The following PARD3B variants were observed in gnomAD, a reference collection of about 807,000 sequenced individuals.
PARD3B encodes the protein par-3 family cell polarity regulator beta.
In PARD3B, 103 loss-of-function variants were observed where a neutral mutation model predicts 130.2. The observed-to-expected ratio is 0.79, with a 90% CI of 0.67 to 0.93. The LOEUF (loss-of-function observed/expected upper bound fraction) is 0.93, where lower values mean the gene tolerates loss of function less well. Among genes scored for constraint, PARD3B ranks in the 40% least tolerant of loss-of-function variants. The probability of loss-of-function intolerance (pLI) is 0.00; values close to 1 mark genes in which losing one functional copy is unlikely to be tolerated. For synonymous variants in PARD3B, 583 were observed against 553.2 expected, an observed-to-expected ratio of 1.05 and a Z score of -0.76; for missense variants, 1,609 against 1,499.2, an observed-to-expected ratio of 1.07 and a Z score of -1.21.
chr2:204,796,608 G>A (rs746074399), intron 2 of PARD3B, among the ~76,000 whole-genome samples: 25 of 152,146 alleles, frequency 1.6e-4, no homozygotes, highest in Non-Finnish European at 3.5e-4. Flanking sequence ...CCAAAATTCA[G>A]ACATGCAGAA....
At chr2:205,607,831 T>TACACCCATACACACAC (rs1553560828) in intron 22 of PARD3B, among the ~76,000 whole-genome samples, 94 of 116,228 alleles carry the variant, frequency 8.1e-4, no homozygotes, top group Middle Eastern at 4.3e-3. Flanking sequence ...CCAACACCCA[T>TACACCCATACACACAC]ACACACACAC....
intron 3 of PARD3B, among the ~76,000 whole-genome samples, chr2:204,985,810 A>T (rs1693083352): frequency 6.6e-6 from 1 of 152,070 alleles, no homozygotes; most frequent in Non-Finnish European, 1.5e-5. Flanking sequence ...ATTGTATTGA[A>T]AAAGGCTTAG....
At chr2:205,223,127 G>A (rs994480779) in intron 15 of PARD3B, among the ~76,000 whole-genome samples, 3 of 151,996 alleles carry the variant, frequency 2.0e-5, no homozygotes, top group African/African-American at 7.2e-5. Context: ...TGAGATCAGC[G>A]GCATTTTCAA....
chr2:205,186,235 A>G (rs1156267899), intron 14 of PARD3B, among the ~76,000 whole-genome samples: 2 of 152,152 alleles, frequency 1.3e-5, no homozygotes, highest in African/African-American at 2.4e-5. Context: ...TAATTGGCAA[A>G]CCCTAGAGGT....
At chr2:205,581,151 C>T (rs2106568660) in intron 22 of PARD3B, among the ~76,000 whole-genome samples, 1 of 151,324 alleles carries the variant, frequency 6.6e-6, no homozygotes, top group Non-Finnish European at 1.5e-5. Context: ...TATTCCAGCA[C>T]TGTTCACAAT....
chr2:204,994,544 A>G (rs1285218708), intron 3 of PARD3B, among the ~76,000 whole-genome samples: 1 of 144,050 alleles, frequency 6.9e-6, no homozygotes, highest in Non-Finnish European at 1.5e-5. Flanking sequence ...TGCTGAAAAA[A>G]ATGTATATTC....
intron 3 of PARD3B, among the ~76,000 whole-genome samples, chr2:205,005,275 G>C (rs1335457817): frequency 6.6e-6 from 1 of 152,148 alleles, no homozygotes; most frequent in African/African-American, 2.4e-5. Flanking sequence ...GTGAAGTATG[G>C]ATTTAATCCA....
At chr2:205,114,914 C>T (rs1411185895) in intron 6 of PARD3B, among the ~76,000 whole-genome samples, 1 of 151,964 alleles carries the variant, frequency 6.6e-6, no homozygotes, top group Admixed American at 6.6e-5. Context: ...ATAGGACAAA[C>T]TGAGGTTGTT....
chr2:205,103,278 C>T (rs1416680067), intron 4 of PARD3B, among the ~76,000 whole-genome samples: 6 of 142,716 alleles, frequency 4.2e-5, no homozygotes, highest in African/African-American at 1.6e-4. Flanking sequence ...GTAAAATAAA[C>T]ATATTTTATA....
At chr2:205,081,414 T>G (rs1233898025) in intron 4 of PARD3B, among the ~76,000 whole-genome samples, 1 of 152,072 alleles carries the variant, frequency 6.6e-6, no homozygotes, top group Non-Finnish European at 1.5e-5. Context: ...GTCTATGCCA[T>G]TGTCCTTTTT....
intron 2 of PARD3B, among the ~76,000 whole-genome samples, chr2:204,883,561 C>T (rs1189179138): frequency 6.7e-6 from 1 of 148,540 alleles, no homozygotes; most frequent in Non-Finnish European, 1.5e-5. Context: ...AATTCTCCTG[C>T]CTCAGCCTCA....
At chr2:204,617,922 C>T (rs186683684) in intron 1 of PARD3B, among the ~76,000 whole-genome samples, 53 of 152,330 alleles carry the variant, frequency 3.5e-4, no homozygotes, top group African/African-American at 1.1e-3. Flanking sequence ...ATATGTACCA[C>T]ATTTCCTTTA....
intron 19 of PARD3B, among the ~76,000 whole-genome samples, chr2:205,430,139 T>C (rs849245): frequency 0.97 from 147,813 of 152,298 alleles, 71,870 homozygotes; most frequent in East Asian, 1. Context: ...TCCAGATGGA[T>C]ATACAATTTC....
chr2:204,826,878 G>C (rs1024883389), intron 2 of PARD3B, among the ~76,000 whole-genome samples: 1 of 152,072 alleles, frequency 6.6e-6, no homozygotes, highest in African/African-American at 2.4e-5. Context: ...ATATTAGCCA[G>C]TCATGGTGGT....
At position 205,470,836 on chromosome 2, in the gene PARD3B, C is replaced by A. The variant is rs2048800187; in HGVS notation, c.3045-29060C>A. Among the ~76,000 whole-genome samples the A allele has an allele frequency of 6.6e-6, 1 of 152,170 alleles. No individual in the cohort carries two copies. The highest frequency in any genetic ancestry group is 6.5e-5 in the Admixed American group (1 of 15,276). On this transcript the variant is annotated intron_variant, in intron 20 of 22. Coordinates refer to ENST00000406610, the MANE Select transcript of PARD3B (RefSeq NM_001302769.2). This position sits in a 1 kb window ranked among gnomAD's most constrained non-coding sequence, Gnocchi z 4.8. ...AGTTTACAATAGAATCATAGGGAAG[C>A]TCTTAAACAGCACCCTGGCCCATTA... is the stretch of plus-strand genomic sequence containing the variant.
At chr2:204,997,055 C>G (rs1174682367) in intron 3 of PARD3B, among the ~76,000 whole-genome samples, 2 of 152,176 alleles carry the variant, frequency 1.3e-5, no homozygotes, top group Non-Finnish European at 2.9e-5. Flanking sequence ...GTCGCTCACG[C>G]TGGGAGCTGT....
intron 20 of PARD3B, among the ~76,000 whole-genome samples, chr2:205,475,557 G>A (rs2048996048): frequency 2.0e-5 from 3 of 152,150 alleles, no homozygotes; most frequent in Admixed American, 2.0e-4. Flanking sequence ...ATGTGGTCCA[G>A]ATTCAGGAAG....
intron 2 of PARD3B, among the ~76,000 whole-genome samples, chr2:204,803,160 AAAAAT>A (rs1467466560): frequency 1.2e-3 from 150 of 128,938 alleles, no homozygotes; most frequent in African/African-American, 4.1e-3. Context: ...AAAAAAAAAA[AAAAAT>A]ATATATATAT....
At chr2:205,201,527 T>A (rs968213958) in intron 15 of PARD3B, among the ~76,000 whole-genome samples, 2 of 152,236 alleles carry the variant, frequency 1.3e-5, no homozygotes, top group Non-Finnish European at 2.9e-5. Context: ...AGTATTTTAA[T>A]ATGATTATGT....
Sources: allele counts gnomAD v4.1 joint callset (sites outside exome capture counted in the v4.1 genomes callset), GRCh38; gene constraint gnomAD v4.1.1; non-coding constraint Gnocchi (gnomAD v3.1); transcripts MANE v1.5; gene names NCBI Gene and HGNC (gene_info 2026-07-23, HGNC 2026-07-21).